The following NPAS3 variants were observed in gnomAD, a reference collection of about 807,000 sequenced individuals.
The protein encoded by NPAS3 is neuronal PAS domain protein 3.
Under a neutral mutation model 73.1 loss-of-function variants are expected in NPAS3, and 14 were observed. That is an observed-to-expected ratio of 0.19 (90% CI 0.13 to 0.30). The LOEUF is 0.30. Ranked by LOEUF, NPAS3 falls within the 10% of genes least tolerant of loss-of-function variation. The pLI is 1.00. For missense variants in NPAS3, 1,096 were observed against 1,250.0 expected, an observed-to-expected ratio of 0.88 and a Z score of 1.86; for synonymous variants, 620 against 541.5, an observed-to-expected ratio of 1.14 and a Z score of -2.01.
chr14:33,335,304 G>A (rs2044175264), intron 3 of NPAS3, among the ~76,000 whole-genome samples: 1 of 152,114 alleles, frequency 6.6e-6, no homozygotes, highest in Non-Finnish European at 1.5e-5. Context: ...TGCAGGATCA[G>A]GTTTAAAATG....
In NPAS3 at chr14:33,800,584, C is replaced by T. The variant is rs1163900819; in HGVS notation, c.2277C>T (p.His759=). 7.7e-6 allele frequency: 10 copies of T among 1,304,114 alleles called. No homozygotes were observed. Among genetic ancestry groups the T allele is most frequent in the South Asian group, 5.1e-5 (2 of 38,892 alleles). 80.8% of individuals were successfully genotyped at this position (1,304,114 alleles called of 1,614,324 possible). A position where few individuals can be genotyped will look rare whatever the true frequency, so the allele number is the denominator to read the frequency against. The stretch of plus-strand genomic sequence containing the variant: ...TCTCGGCGTCCCCGCGGGACAAGCA[C>T]CCCGGGAACGGCGGCGGGGGCGGGG... The change falls in exon 12 of 12, where the codon CAC becomes CAT. Residue 759 remains histidine (H), a synonymous_variant. Coordinates refer to ENST00000356141, the Ensembl canonical transcript of NPAS3. This position sits in a 1 kb window ranked among gnomAD's most constrained non-coding sequence, Gnocchi z 6.5.
At chr14:33,099,766 A>ATAT (rs1231854661) in intron 2 of NPAS3, among the ~76,000 whole-genome samples, 1 of 152,216 alleles carries the variant, frequency 6.6e-6, no homozygotes, top group Admixed American at 6.5e-5. Context: ...ATACCTATGT[A>ATAT]TATACCCATC....
chr14:33,251,643 G>A (rs547476576), intron 3 of NPAS3, among the ~76,000 whole-genome samples: 2 of 151,866 alleles, frequency 1.3e-5, no homozygotes, highest in South Asian at 2.1e-4. Context: ...TTTAAATCAG[G>A]TATGTTACAT....
chr14:32,980,512 A>G (rs2037852356), intron 1 of NPAS3, among the ~76,000 whole-genome samples: 1 of 152,218 alleles, frequency 6.6e-6, no homozygotes, highest in South Asian at 2.1e-4. Context: ...AAAAGGGGAT[A>G]TTAATTTTTT....
At chr14:33,357,093 C>A (rs1429237767) in intron 3 of NPAS3, among the ~76,000 whole-genome samples, 1 of 152,176 alleles carries the variant, frequency 6.6e-6, no homozygotes, top group African/African-American at 2.4e-5. Context: ...GTGATGCAGA[C>A]CTTGATCAGC....
In NPAS3 at chr14:33,034,371, T is replaced by G. The variant is rs189481645; in HGVS notation, c.51-21534T>G. Among the ~76,000 whole-genome samples, 603 of 151,908 alleles carry G rather than the reference T, an allele frequency of 4.0e-3. 4 individuals are homozygous for G. Among genetic ancestry groups the G allele is most frequent in the African/African-American group, 0.012 (503 of 41,520 alleles). On this transcript the variant is annotated intron_variant, in intron 1 of 11. Coordinates refer to ENST00000356141, the Ensembl canonical transcript of NPAS3. ...TCTATTACAATGTGATAAATATTAT[T>G]TATACTTGTTGGTATAAATAAACCA...
chr14:33,088,417 C>T (rs1040251249), intron 2 of NPAS3, among the ~76,000 whole-genome samples: 10 of 152,336 alleles, frequency 6.6e-5, no homozygotes, highest in South Asian at 2.1e-4. Context: ...GAGGGTCCCA[C>T]GCCCACAGAG....
intron 3 of NPAS3, among the ~76,000 whole-genome samples, chr14:33,319,590 A>C (rs1485012414): frequency 6.6e-6 from 1 of 152,098 alleles, no homozygotes; most frequent in African/African-American, 2.4e-5. Context: ...ATTCTAGAGT[A>C]AATAAGTTAT....
chr14:33,038,922 G>C (rs1008761980), intron 1 of NPAS3, among the ~76,000 whole-genome samples: 1 of 152,292 alleles, frequency 6.6e-6, no homozygotes, highest in Admixed American at 6.5e-5. Context: ...CCAGGATGAA[G>C]TTTGGTATGA....
At chr14:33,152,930 G>A (rs1044767222) in intron 2 of NPAS3, among the ~76,000 whole-genome samples, 19 of 151,476 alleles carry the variant, frequency 1.3e-4, no homozygotes, top group African/African-American at 3.2e-4. Context: ...CTCTGGTTTC[G>A]ATATTGGAAT....
rs941803057 is a variant in NPAS3, at chr14:32,946,342, A to G, written c.50+6976A>G. ...ACTCCCCCATCCCCCCAACACACAC[A>G]CACGCGCACACACACACACACACAC... On this transcript the variant is annotated intron_variant, in intron 1 of 11. Coordinates refer to ENST00000356141, the Ensembl canonical transcript of NPAS3. Among the ~76,000 whole-genome samples, 135 of 89,474 alleles carry G rather than the reference A, an allele frequency of 1.5e-3. 2 individuals are homozygous for G. Among genetic ancestry groups the G allele is most frequent in the Non-Finnish European group, 7.6e-4 (30 of 39,678 alleles). 58.7% of individuals were successfully genotyped at this position (89,474 alleles called of 152,430 possible).
intron 1 of NPAS3, among the ~76,000 whole-genome samples, chr14:33,033,513 A>T (rs1271677674): frequency 1.3e-5 from 2 of 152,074 alleles, no homozygotes; most frequent in African/African-American, 4.8e-5. Flanking sequence ...CTGTTTGTAC[A>T]TGTGTATATA....
At chr14:33,231,962 C>T (rs987271163) in intron 3 of NPAS3, among the ~76,000 whole-genome samples, 5 of 152,120 alleles carry the variant, frequency 3.3e-5, no homozygotes, top group Non-Finnish European at 5.9e-5. Flanking sequence ...TCTATAAATG[C>T]TTATCTATTA....
At chr14:32,950,423 AC>A (rs1340425405) in intron 1 of NPAS3, among the ~76,000 whole-genome samples, 1 of 152,114 alleles carries the variant, frequency 6.6e-6, no homozygotes, top group African/African-American at 2.4e-5. Context: ...TTTTTCCATA[AC>A]CTATACTGCT....
Position 33,079,325 on chromosome 14 carries a change from C to CTTTTTTTTTTTTTTTT in NPAS3, c.140+23342_140+23343insTTTTTTTTTTTTTTTT, listed in dbSNP as rs772885846. 4.9e-4 allele frequency among the ~76,000 whole-genome samples: 65 copies of CTTTTTTTTTTTTTTTT among 132,282 alleles called. 2 individuals are homozygous for CTTTTTTTTTTTTTTTT. The highest frequency in any genetic ancestry group is 2.5e-3 in the East Asian group (11 of 4,422). The allele number at this position is 132,282 out of a possible 152,430, so 86.8% of individuals were successfully genotyped here. Reference sequence around the variant, plus strand: ...ACTTGATTTGTACTTTTTCTTTTTCCTTTTTTTTTTTGAGACAGAGTCTTG... The same window carrying CTTTTTTTTTTTTTTTT: ...ACTTGATTTGTACTTTTTCTTTTTCCTTTTTTTTTTTTTTTTTTTTTTTTTTTGAGACAGAGTCTTG... On this transcript the variant is annotated intron_variant, in intron 2 of 11. Coordinates refer to ENST00000356141, the Ensembl canonical transcript of NPAS3.
At chr14:33,443,846 C>G (rs1169000928) in intron 4 of NPAS3, among the ~76,000 whole-genome samples, 1 of 152,080 alleles carries the variant, frequency 6.6e-6, no homozygotes, top group Admixed American at 6.6e-5. Flanking sequence ...TGGAGCCATT[C>G]GGGTAGGGTA....
chr14:33,646,143 T>A (rs2058822671), intron 5 of NPAS3, among the ~76,000 whole-genome samples: 1 of 152,128 alleles, frequency 6.6e-6, no homozygotes, highest in African/African-American at 2.4e-5. Context: ...ACAGGCAGAA[T>A]TTAGCCAGGC....
intron 7 of NPAS3, among the ~76,000 whole-genome samples, chr14:33,739,791 C>A (rs2061611070): frequency 6.6e-6 from 1 of 152,160 alleles, no homozygotes; most frequent in Non-Finnish European, 1.5e-5. Flanking sequence ...CAAGTTAGTG[C>A]ATCTTCCAGA....
At chr14:33,500,069 T>C (rs1280555155) in intron 4 of NPAS3, among the ~76,000 whole-genome samples, 2 of 151,810 alleles carry the variant, frequency 1.3e-5, no homozygotes, top group Non-Finnish European at 2.9e-5. Context: ...AGCTTTAGGG[T>C]CAGAGTACCC....
Sources: allele counts gnomAD v4.1 joint callset (sites outside exome capture counted in the v4.1 genomes callset), GRCh38; gene constraint gnomAD v4.1.1; non-coding constraint Gnocchi (gnomAD v3.1); transcripts MANE v1.5; gene names NCBI Gene and HGNC (gene_info 2026-07-23, HGNC 2026-07-21).